Variants in SIL1 observed in about 807,000 individuals in gnomAD.
SIL1 encodes the protein SIL1 nucleotide exchange factor, also known as nucleotide exchange factor SIL1.
A neutral mutation model predicts 49.1 loss-of-function variants in SIL1; 40 were observed. The ratio of observed to expected loss-of-function variants is 0.81; its 90% confidence interval spans 0.63 to 1.06. The LOEUF is 1.06. Ranked by LOEUF, SIL1 falls within the 50% of genes least tolerant of loss-of-function variation. The pLI is 0.00. For synonymous variants in SIL1, 253 were observed against 250.8 expected (o/e 1.01, Z -0.08); for missense variants, 500 against 572.6 (o/e 0.87, Z 1.29).
intron 3 of SIL1, among the ~76,000 whole-genome samples, chr5:139,068,502 T>C (rs991038952): frequency 9.9e-5 from 15 of 151,886 alleles, no homozygotes; most frequent in African/African-American, 3.4e-4. Context: ...CTGAGTAGAC[T>C]TGGACGACAG....
intron 3 of SIL1, among the ~76,000 whole-genome samples, chr5:139,081,113 G>A (rs1201050801): frequency 6.6e-6 from 1 of 152,116 alleles, no homozygotes; most frequent in Admixed American, 6.5e-5. Context: ...CCTGTCCTAC[G>A]ACAGACATTC....
chr5:139,016,866 T>A (rs58240059), intron 7 of SIL1: 1 of 151,720 alleles, frequency 6.6e-6, no homozygotes, highest in Non-Finnish European at 1.5e-5. Flanking sequence ...TTTTCCCCCC[T>A]GACAGGGCCT....
intron 1 of SIL1, among the ~76,000 whole-genome samples, chr5:139,132,120 C>T (rs1043606055): frequency 1.3e-5 from 2 of 151,922 alleles, no homozygotes; most frequent in African/African-American, 2.4e-5. Flanking sequence ...GGATCAACAA[C>T]GAAACTGGTG....
intron 1 of SIL1, chr5:139,155,477 G>GAGAGAGAGAGAGAGAGAGAGAGAGAC (rs765537884): frequency 6.6e-6 from 1 of 151,556 alleles, no homozygotes. Context: ...GAGAGAGAGA[G>GAGAGAGAGAGAGAGAGAGAGAGAGAC]AACGAGCTCT....
chr5:139,112,114 C>G (rs990724939), intron 3 of SIL1, among the ~76,000 whole-genome samples: 5 of 152,224 alleles, frequency 3.3e-5, no homozygotes, highest in Non-Finnish European at 4.4e-5. Flanking sequence ...CCCGAGGTGC[C>G]GGGATTGCAG....
chr5:139,080,100 T>C lies in SIL1; in HGVS notation c.245-29054A>G, dbSNP rs181490008. ...TGGCACATATTATTGTACTTGGCAA[T>C]AGACCGTGAATGATGTATTTTTCTC... On this transcript the variant is annotated intron_variant, in intron 3 of 9. Transcript: ENST00000394817. Among the ~76,000 whole-genome samples the C allele has an allele frequency of 2.1e-4, 32 of 152,330 alleles. No homozygotes were observed. The East Asian group carries it at 2.5e-3, about 12-fold the overall frequency.
rs1386055345 is a variant in SIL1 at position 139,054,452 on chromosome 5, AAAAG to A, written c.245-3410_245-3407del. On this transcript the variant is annotated intron_variant, in intron 3 of 9. Transcript: ENST00000394817. ...AATTATTTGTTAAGTGAAAATGTTT[AAAAG>A]AAAGAGGGAATTCCTAGCTGATCTA... is the stretch of plus-strand genomic sequence containing the variant. Among the ~76,000 whole-genome samples, 3 of 152,198 alleles carry A rather than the reference AAAAG, an allele frequency of 2.0e-5. No individual in the cohort carries two copies. In the East Asian group the frequency reaches 5.8e-4, roughly 30 times the overall value.
chr5:139,060,371 C>T (rs1419778496), intron 3 of SIL1, among the ~76,000 whole-genome samples: 1 of 151,824 alleles, frequency 6.6e-6, no homozygotes, highest in Admixed American at 6.6e-5. Context: ...TAAAAGTGCC[C>T]AATATAAATA....
At chr5:139,132,843 C>T (rs930681997) in intron 1 of SIL1, among the ~76,000 whole-genome samples, 6 of 152,156 alleles carry the variant, frequency 3.9e-5, no homozygotes, top group African/African-American at 1.4e-4. Context: ...GGAAGTGGCA[C>T]ACAGCTATGC....
chr5:139,111,889 T>C (rs1292568238), intron 3 of SIL1, among the ~76,000 whole-genome samples: 1 of 152,202 alleles, frequency 6.6e-6, no homozygotes, highest in African/African-American at 2.4e-5. Flanking sequence ...CTCCCTCTGA[T>C]GCCGAGCCAA....
At chr5:138,974,307 C>T (rs965961605) in intron 7 of SIL1, among the ~76,000 whole-genome samples, 1 of 152,184 alleles carries the variant, frequency 6.6e-6, no homozygotes, top group African/African-American at 2.4e-5. Context: ...CATCTGAGGG[C>T]CTTCATTCTT....
chr5:139,050,170 C>T (rs1769256089), intron 4 of SIL1, among the ~76,000 whole-genome samples: 1 of 152,112 alleles, frequency 6.6e-6, no homozygotes, highest in Admixed American at 6.5e-5. Context: ...GCAGGCTGAA[C>T]CAAAGCAGGG....
chr5:139,127,182 AAGG>A (rs1750770738), intron 2 of SIL1, among the ~76,000 whole-genome samples: 1 of 152,194 alleles, frequency 6.6e-6, no homozygotes. Context: ...AGACAAAAGG[AAGG>A]AGGATACAGA....
At position 139,109,396 on chromosome 5, in the gene SIL1, C is replaced by T. The variant is rs144218956; in HGVS notation, c.244+11639G>A. ...ATCCCTAAGATCCAACTTAGAAACC[C>T]AAACAGGGCAGCTTGATAATTCTGT... On this transcript the variant is annotated intron_variant, in intron 3 of 9. Transcript: ENST00000394817. 9.9e-5 allele frequency among the ~76,000 whole-genome samples: 15 copies of T among 152,242 alleles called. No individual in the cohort carries two copies. The East Asian group carries it at 2.9e-3, about 29-fold the overall frequency.
intron 3 of SIL1, among the ~76,000 whole-genome samples, chr5:139,098,475 C>T (rs1250597224): frequency 6.6e-6 from 1 of 152,108 alleles, no homozygotes; most frequent in Non-Finnish European, 1.5e-5. Flanking sequence ...TCTAAGATCC[C>T]AAACTATGAA....
chr5:138,977,960 A>G (rs1220872900), intron 7 of SIL1, among the ~76,000 whole-genome samples: 1 of 152,262 alleles, frequency 6.6e-6, no homozygotes, highest in Non-Finnish European at 1.5e-5. Context: ...AGTTGAGGCC[A>G]GAATGACATC....
At chr5:138,983,064 G>C (rs1767562487) in intron 7 of SIL1, among the ~76,000 whole-genome samples, 1 of 151,902 alleles carries the variant, frequency 6.6e-6, no homozygotes, top group Admixed American at 6.6e-5. Flanking sequence ...AGGCATGGCG[G>C]CTTGCACCTA....
intron 3 of SIL1, among the ~76,000 whole-genome samples, chr5:139,114,055 C>T (rs1201814228): frequency 1.3e-5 from 2 of 152,244 alleles, no homozygotes; most frequent in Admixed American, 1.3e-4. Context: ...GGATGGCCAA[C>T]AGCTGCTCTC....
chr5:138,987,055 T>G (rs1477696283), intron 7 of SIL1, among the ~76,000 whole-genome samples: 1 of 151,872 alleles, frequency 6.6e-6, no homozygotes, highest in Non-Finnish European at 1.5e-5. Flanking sequence ...TGATATTTGA[T>G]GCACTATTTT....
Sources: gnomAD v4.1 joint callset for allele counts (sites outside exome capture counted in the v4.1 genomes callset) on GRCh38, gnomAD v4.1.1 for gene constraint, MANE v1.5 for transcripts, NCBI Gene and HGNC (gene_info 2026-07-23, HGNC 2026-07-21) for gene names.